Variants in MPP1 observed in about 807,000 individuals in gnomAD.
The protein encoded by MPP1 is 55 kDa erythrocyte membrane protein.
MPP1 carries 6 observed loss-of-function variants against 38.2 expected under a neutral mutation model. The ratio of observed to expected loss-of-function variants is 0.16; its 90% CI spans 0.09 to 0.31. The LOEUF (loss-of-function observed/expected upper bound fraction) is 0.31, where lower values mean the gene tolerates loss of function less well. Among genes scored for constraint, MPP1 ranks in the 10% least tolerant of loss-of-function variants. The probability of loss-of-function intolerance (pLI) is 1.00; values close to 1 mark genes in which losing one functional copy is unlikely to be tolerated. For missense variants in MPP1, 293 were observed against 368.9 expected (o/e 0.79, Z 1.69); for synonymous variants, 153 against 146.3 (o/e 1.05, Z -0.33).
intron 5 of MPP1, among the ~76,000 whole-genome samples, chrX:154,789,390 A>G (rs2072115313): frequency 8.9e-6 from 1 of 111,789 alleles, no homozygotes; most frequent in South Asian, 3.7e-4. Flanking sequence ...TAAATTGTGA[A>G]TAAGTGCTCA....
At chrX:154,799,873 G>A (rs1557268503) in intron 1 of MPP1, 1 of 1,150,890 alleles carries the variant, frequency 8.7e-7, no homozygotes, top group East Asian at 3.3e-5. Context: ...TCAAAGGGCA[G>A]AGGCAGTTGC....
At chrX:154,796,915 G>A (rs377461396) in intron 1 of MPP1, among the ~76,000 whole-genome samples, 3 of 111,514 alleles carry the variant, frequency 2.7e-5, no homozygotes, top group African/African-American at 6.5e-5. Context: ...AGGTGTGGTG[G>A]CATGTGCCTG....
chrX:154,792,682 C>T (rs1434668129), intron 1 of MPP1, among the ~76,000 whole-genome samples: 2 of 110,906 alleles, frequency 1.8e-5, no homozygotes, highest in Admixed American at 1.9e-4. Context: ...CCTGCGGCAC[C>T]TCAGGCTCCA....
At chrX:154,790,090 G>T in intron 4 of MPP1, 68 bp from the exon 5 acceptor site, 1 of 744,631 alleles carries the variant, frequency 1.3e-6, no homozygotes. Context: ...TTCATTCAAA[G>T]TCCCAGGTTT....
rs1557266663 is a variant in MPP1, at chrX:154,781,677, T to C, written c.1072A>G (p.Met358Val). 1.7e-6 allele frequency: 2 copies of C among 1,211,839 alleles called. No individual in the cohort carries two copies. The highest frequency in any genetic ancestry group is 2.2e-6 in the Non-Finnish European group (2 of 895,530). Residue 358 changes from methionine to valine, a missense_variant, in exon 10 of 12, where the codon ATG becomes GTG. By Grantham distance (21) the Met-to-Val change is conservative. Coordinates refer to ENST00000369534, the MANE Select transcript of MPP1 (RefSeq NM_002436.4). The part of the protein sequence containing the change: ...FLEFGSYQGN[M>V]FGTKFETVHQ... ...ACTGTTTCAAATTTGGTGCCAAACA[T>C]GTTGCCTTGGTAGCTGCCAAACTCC...
intron 8 of MPP1, chrX:154,783,795 C>T: frequency 2.3e-6 from 1 of 435,491 alleles, no homozygotes; most frequent in Non-Finnish European, 4.0e-6. Context: ...GAAACCTAAC[C>T]AAAAATAATT....
In MPP1 at chrX:154,781,581, C is replaced by T; in HGVS notation, c.1149+19G>A. ...GTGTGGCTGAGCCCATCTGTCCCTG[C>T]CCTTCCATGCCTACCCACCTGGGGC... On this transcript the variant is annotated intron_variant, in intron 10 of 11. Coordinates refer to ENST00000369534, the MANE Select transcript of MPP1 (RefSeq NM_002436.4). 8 of 1,203,965 alleles carry T rather than the reference C, an allele frequency of 6.6e-6. No individual in the cohort carries two copies. The highest frequency in any genetic ancestry group is 2.2e-5 in the Admixed American group (1 of 46,000).
At chrX:154,795,455 T>A (rs782572497) in intron 1 of MPP1, among the ~76,000 whole-genome samples, 70 of 111,423 alleles carry the variant, frequency 6.3e-4, no homozygotes, top group African/African-American at 2.2e-3. Flanking sequence ...AATGATTATA[T>A]TCATATTTGC....
intron 11 of MPP1, among the ~76,000 whole-genome samples, chrX:154,779,559 A>G (rs958111736): frequency 8.9e-6 from 1 of 112,388 alleles, no homozygotes; most frequent in Non-Finnish European, 1.9e-5. Context: ...AGAGGATCTC[A>G]AGCTAACCCT....
In MPP1 at chrX:154,791,730, T is replaced by A. The variant is rs190068634; in HGVS notation, c.325+39A>T. 2.5e-4 allele frequency: 279 copies of A among 1,114,689 alleles called. 2 individuals carry two copies. In the East Asian group the frequency reaches 8.0e-3, roughly 32 times the overall value. 91.9% of individuals were successfully genotyped at this position (1,114,689 alleles called of 1,213,427 possible). A position where few individuals can be genotyped will look rare whatever the true frequency, so the allele number is the denominator to read the frequency against. Reference sequence around the variant, plus strand: ...CACTGAACAGGGAGTAAATTATTAATCCCTGAATCAAACCCCACCCAGAGC... The same window carrying A: ...CACTGAACAGGGAGTAAATTATTAAACCCTGAATCAAACCCCACCCAGAGC... On this transcript the variant is annotated intron_variant, in intron 3 of 11. Coordinates refer to ENST00000369534, the MANE Select transcript of MPP1 (RefSeq NM_002436.4).
chrX:154,805,401 A>G lies in MPP1; in HGVS notation c.-28T>C, dbSNP rs782262424. ...CGCAGAAGCTGGAACACTGGAACGC[A>G]AGACAGGGCAGCGCTGGGAATGACA... On this transcript the variant is annotated 5_prime_UTR_variant, in exon 1 of 12. Transcript: ENST00000369534. 31 of 1,154,505 alleles carry G rather than the reference A, an allele frequency of 2.7e-5. No individual in the cohort carries two copies. The Admixed American group carries it at 7.6e-4, about 28-fold the overall frequency.
chrX:154,783,581 C>T (rs2072034561), intron 8 of MPP1, 74 bp from the exon 9 acceptor site: 3 of 914,715 alleles, frequency 3.3e-6, no homozygotes, highest in Non-Finnish European at 1.5e-6. Flanking sequence ...TTTCCTCTCT[C>T]GGCACTCAAA....
intron 10 of MPP1, 76 bp from the exon 11 acceptor site, chrX:154,781,389 GCT>G: frequency 1.1e-6 from 1 of 881,172 alleles, no homozygotes; most frequent in South Asian, 2.2e-5. Context: ...AACCTACATA[GCT>G]GTCATAATGG....
intron 1 of MPP1, among the ~76,000 whole-genome samples, chrX:154,803,194 G>A (rs1476234561): frequency 8.9e-6 from 1 of 112,509 alleles, no homozygotes; most frequent in African/African-American, 3.2e-5. Flanking sequence ...GCAAAGACTG[G>A]TAAGAGCCCC....
chrX:154,795,678 T>C (rs1183305998), intron 1 of MPP1, among the ~76,000 whole-genome samples: 2 of 111,503 alleles, frequency 1.8e-5, no homozygotes, highest in African/African-American at 6.5e-5. Context: ...GGCAGAAGGA[T>C]TGCTTGAGCC....
Position 154,797,985 on chromosome X carries a change from A to T in MPP1, c.103-5700T>A, listed in dbSNP as rs782789858. The stretch of plus-strand genomic sequence containing the variant: ...ATGAACAGATATTTCACCAAAGAGG[A>T]TATATAAAGATGGCAAATGAGGATA... On this transcript the variant is annotated intron_variant, in intron 1 of 11. Coordinates refer to ENST00000369534, the MANE Select transcript of MPP1 (RefSeq NM_002436.4). Among the ~76,000 whole-genome samples, 392 of 112,924 alleles carry T rather than the reference A, an allele frequency of 3.5e-3. 1 individual carries two copies. The highest frequency in any genetic ancestry group is 5.9e-3 in the Non-Finnish European group (315 of 53,374).
Position 154,792,398 on chromosome X carries a change from T to C in MPP1, c.103-113A>G, listed in dbSNP as rs781996216. The stretch of plus-strand genomic sequence containing the variant: ...GCTCTGAAAACTTATTTCATAAGTT[T>C]GGCCTCATTCTTATTTGAATTGACA... On this transcript the variant is annotated intron_variant, in intron 1 of 11. Coordinates refer to ENST00000369534, the MANE Select transcript of MPP1 (RefSeq NM_002436.4). 2.7e-5 allele frequency: 25 copies of C among 924,381 alleles called. No individual in the cohort carries two copies. In the East Asian group the frequency reaches 7.9e-4, roughly 29 times the overall value. The allele number at this position is 924,381 out of a possible 1,213,427, so 76.2% of individuals were successfully genotyped here. A position where few individuals can be genotyped will look rare whatever the true frequency, so the allele number is the denominator to read the frequency against.
At chrX:154,796,790 C>A (rs1384454219) in intron 1 of MPP1, among the ~76,000 whole-genome samples, 2 of 111,890 alleles carry the variant, frequency 1.8e-5, no homozygotes, top group Non-Finnish European at 3.8e-5. Flanking sequence ...GGAGAAAAAT[C>A]GAAAGGAAGA....
intron 9 of MPP1, 123 bp downstream of exon 9, chrX:154,783,304 T>G (rs2072030401): frequency 2.9e-6 from 1 of 348,719 alleles, no homozygotes; most frequent in African/African-American, 2.7e-5. Flanking sequence ...CATATTTTGT[T>G]TAGTTTTAAT....
Sources: gnomAD v4.1 joint callset for allele counts (sites outside exome capture counted in the v4.1 genomes callset) on GRCh38, gnomAD v4.1.1 for gene constraint, MANE v1.5 for transcripts, NCBI Gene and HGNC (gene_info 2026-07-23, HGNC 2026-07-21) for gene names.